Variants in WWTR1 observed in about 807,000 individuals in gnomAD.
WWTR1 encodes WW domain containing transcription regulator 1, also known as WW domain-containing transcription regulator protein 1.
Under a neutral mutation model 40.1 loss-of-function variants are expected in WWTR1, and 13 were observed. That is an observed-to-expected ratio of 0.32 (90% CI 0.21 to 0.52). The LOEUF is 0.52. Ranked by LOEUF, WWTR1 falls within the 20% of genes least tolerant of loss-of-function variation. WWTR1 has a pLI of 0.97. For missense variants in WWTR1, 436 were observed against 523.1 expected (o/e 0.83, Z 1.63); for synonymous variants, 230 against 210.1 (o/e 1.09, Z -0.82).
intron 6 of WWTR1, among the ~76,000 whole-genome samples, chr3:149,522,471 A>T (rs1396692593): frequency 6.6e-6 from 1 of 152,216 alleles, no homozygotes; most frequent in Non-Finnish European, 1.5e-5. Flanking sequence ...AATTAAATCA[A>T]ATTCAACAAT....
rs775621806 is a variant in WWTR1, at chr3:149,520,863, A to T, written c.1145T>A (p.Leu382His). 19 of 1,613,304 alleles carry T rather than the reference A, an allele frequency of 1.2e-5. No homozygotes were observed. The South Asian group carries it at 2.1e-4, about 18-fold the overall frequency. ...GTLESEDLIP[L>H]FNDVESALNK... ...CAGAGCAGACTCTACATCATTGAAGAGGGGGATCAGGTCTTCAGATTCCAA... is the reference window on the plus strand; with the variant it reads ...CAGAGCAGACTCTACATCATTGAAGTGGGGGATCAGGTCTTCAGATTCCAA... Residue 382 changes from leucine (L) to histidine (H), a missense_variant, in exon 7 of 7, where the codon CTC (leucine) becomes CAC (histidine). By Grantham distance (99) the Leu-to-His change is moderately conservative (BLOSUM62 -3). Transcript: ENST00000360632.
Position 149,657,058 on chromosome 3 carries a change from C to A in WWTR1, c.249G>T (p.Gln83His). 1 of 1,573,248 alleles carries A rather than the reference C, an allele frequency of 6.4e-7. No individual in the cohort carries two copies. The highest frequency in any genetic ancestry group is 8.6e-7 in the Non-Finnish European group (1 of 1,164,000). The change falls in exon 2 of 7, where the codon CAG becomes CAT. Residue 83 changes from glutamine to histidine, a missense_variant. Coordinates refer to ENST00000360632, the MANE Select transcript of WWTR1 (RefSeq NM_015472.6). ...HPGPRLAGGA[Q>H]HVRSHSSPAS... ...CGGGCGACGAGTGCGAGCGGACATG[C>A]TGGGCACCCCCAGCCAGTCGAGGCC...
rs894241387 is a variant in WWTR1 at position 149,551,333 on chromosome 3, A to G, written c.569-8796T>C. On this transcript the variant is annotated intron_variant, in intron 3 of 6. Coordinates refer to ENST00000360632, the MANE Select transcript of WWTR1 (RefSeq NM_015472.6). ...AAGAGTAGAACAGGTAGAGGCTGAC[A>G]TTGTTTTTAAAACTTGAATGCAGTC... 1.4e-5 allele frequency among the ~76,000 whole-genome samples: 2 copies of G among 144,796 alleles called. 1 individual carries two copies. Among genetic ancestry groups the G allele is most frequent in the Non-Finnish European group, 3.0e-5 (2 of 66,182 alleles). 95.0% of individuals were successfully genotyped at this position (144,796 alleles called of 152,430 possible).
rs1398583304 is a variant in WWTR1, at chr3:149,692,644, T to TTTGC, written c.-108+10479_-108+10480insGCAA. 2.0e-5 allele frequency among the ~76,000 whole-genome samples: 3 copies of TTTGC among 149,474 alleles called. No homozygotes were observed. The East Asian group carries it at 6.3e-4, about 32-fold the overall frequency. On this transcript the variant is annotated intron_variant, in intron 1 of 7. Transcript: ENST00000465804. The stretch of plus-strand genomic sequence containing the variant: ...GTTTGTTTGTTTGTTTGTTTGTTTG[T>TTTGC]TTGTTTGAGACGGAGTTTCATTCTT...
At chr3:149,668,992 A>G (rs1713953765) in intron 2 of WWTR1, among the ~76,000 whole-genome samples, 1 of 152,216 alleles carries the variant, frequency 6.6e-6, no homozygotes, top group Non-Finnish European at 1.5e-5. Context: ...GAGTAACTTT[A>G]CAGCCTCCAA....
At chr3:149,648,545 T>G (rs988226960) in intron 2 of WWTR1, among the ~76,000 whole-genome samples, 1 of 151,842 alleles carries the variant, frequency 6.6e-6, no homozygotes, top group African/African-American at 2.4e-5. Flanking sequence ...GAGCTGCAAG[T>G]TGGGGAAAAG....
chr3:149,628,862 C>T (rs1292272951), intron 2 of WWTR1, among the ~76,000 whole-genome samples: 2 of 151,818 alleles, frequency 1.3e-5, no homozygotes, highest in East Asian at 3.9e-4. Context: ...CAGCCTCGAC[C>T]TCCCAGGCTC....
At chr3:149,599,150 C>G (rs1364688819) in intron 2 of WWTR1, among the ~76,000 whole-genome samples, 1 of 152,190 alleles carries the variant, frequency 6.6e-6, no homozygotes, top group Non-Finnish European at 1.5e-5. Flanking sequence ...CTGCATAGTA[C>G]TGACTTGTAG....
chr3:149,634,168 C>G (rs772229118), intron 2 of WWTR1, among the ~76,000 whole-genome samples: 7 of 152,134 alleles, frequency 4.6e-5, no homozygotes, highest in Non-Finnish European at 7.4e-5. Flanking sequence ...AAAGGAGAGC[C>G]AGGGTGGCTC....
At chr3:149,521,384 A>G (rs1038232769) in intron 6 of WWTR1, among the ~76,000 whole-genome samples, 9 of 152,188 alleles carry the variant, frequency 5.9e-5, no homozygotes, top group African/African-American at 2.2e-4. Flanking sequence ...TTTATGTTCA[A>G]AGAGAATGGT....
intron 3 of WWTR1, among the ~76,000 whole-genome samples, chr3:149,543,579 T>C (rs1175038200): frequency 1.2e-3 from 1 of 806 alleles, no homozygotes; most frequent in Admixed American, 0.017. Flanking sequence ...AGACTCTGTC[T>C]CAAAAAAAAA....
intron 2 of WWTR1, among the ~76,000 whole-genome samples, chr3:149,669,571 C>G (rs1713986723): frequency 6.6e-6 from 1 of 152,186 alleles, no homozygotes; most frequent in Admixed American, 6.5e-5. Flanking sequence ...CAGGGAAACT[C>G]TGAAGGTAAA....
At chr3:149,607,715 G>T (rs1739551885) in intron 2 of WWTR1, among the ~76,000 whole-genome samples, 1 of 152,158 alleles carries the variant, frequency 6.6e-6, no homozygotes, top group East Asian at 1.9e-4. Context: ...TAAAACGATA[G>T]AATTCATTCT....
intron 4 of WWTR1, among the ~76,000 whole-genome samples, chr3:149,535,873 C>T (rs1427447816): frequency 1.3e-5 from 2 of 151,926 alleles, no homozygotes; most frequent in Non-Finnish European, 2.9e-5. Context: ...ATTAGCCAGG[C>T]GTGATGATGC....
At chr3:149,710,917 A>C (rs1431652174) in intron 5 of WWTR1, among the ~76,000 whole-genome samples, 3 of 151,944 alleles carry the variant, frequency 2.0e-5, no homozygotes, top group African/African-American at 7.3e-5. Flanking sequence ...TTGAAGCATA[A>C]AGAAGTTAAG....
chr3:149,523,351 T>G (rs541532383), intron 6 of WWTR1, among the ~76,000 whole-genome samples: 2 of 152,016 alleles, frequency 1.3e-5, no homozygotes, highest in East Asian at 1.9e-4. Context: ...TGGGTTCAAG[T>G]GATTCTCCTG....
intron 2 of WWTR1, among the ~76,000 whole-genome samples, chr3:149,584,150 C>T (rs757252898): frequency 1.3e-5 from 2 of 152,134 alleles, no homozygotes; most frequent in Non-Finnish European, 2.9e-5. Flanking sequence ...TTGGCTGCTC[C>T]GAAGCCACTC....
At chr3:149,523,671 A>G (rs994639148) in intron 6 of WWTR1, among the ~76,000 whole-genome samples, 1 of 152,156 alleles carries the variant, frequency 6.6e-6, no homozygotes, top group African/African-American at 2.4e-5. Flanking sequence ...TGTTGCTGCC[A>G]TGTATGTTTT....
chr3:149,661,390 A>T (rs1357947772), upstream of WWTR1: 2 of 152,078 alleles, frequency 1.3e-5, no homozygotes, highest in African/African-American at 4.8e-5. Context: ...TAAATGTAGA[A>T]TGTGCATTCT....
Sources: allele counts gnomAD v4.1 joint callset (sites outside exome capture counted in the v4.1 genomes callset), GRCh38; gene constraint gnomAD v4.1.1; transcripts MANE v1.5; gene names NCBI Gene and HGNC (gene_info 2026-07-23, HGNC 2026-07-21).